The following CHST11 variants were observed in gnomAD, a reference collection of about 807,000 sequenced individuals.
CHST11 encodes the protein C4S-1.
In CHST11, 9 loss-of-function variants were observed where a neutral mutation model predicts 30.4. That is an observed-to-expected ratio of 0.30 (90% confidence interval 0.18 to 0.52). CHST11 has a LOEUF of 0.52. CHST11 is among the 20% of genes least tolerant of loss of function. The pLI, the probability that CHST11 is intolerant of heterozygous loss-of-function variation, is 0.97. For synonymous variants in CHST11, 152 were observed against 187.8 expected (o/e 0.81, Z 1.56); for missense variants, 348 against 460.6 (o/e 0.76, Z 2.24).
chr12:104,547,565 G>C (rs7303821), intron 1 of CHST11, among the ~76,000 whole-genome samples: 6,984 of 152,204 alleles, frequency 0.046, 566 homozygotes, highest in African/African-American at 0.16. Context: ...GTGAGTACCT[G>C]CAAAAATGAG....
At chr12:104,463,957 A>G (rs964978402) in intron 1 of CHST11, among the ~76,000 whole-genome samples, 1 of 152,020 alleles carries the variant, frequency 6.6e-6, no homozygotes, top group African/African-American at 2.4e-5. Context: ...TTAACTGTAG[A>G]TGGGAGGGAA....
intron 1 of CHST11, among the ~76,000 whole-genome samples, chr12:104,508,363 T>C (rs1362256743): frequency 6.6e-6 from 1 of 152,206 alleles, no homozygotes; most frequent in Non-Finnish European, 1.5e-5. Context: ...GTAACCTTCT[T>C]CCTTCTCTGC....
chr12:104,648,583 G>A (rs1317143712), intron 2 of CHST11, among the ~76,000 whole-genome samples: 1 of 152,142 alleles, frequency 6.6e-6, no homozygotes, highest in Non-Finnish European at 1.5e-5. Context: ...GTTGAGGCAG[G>A]TGGATCACTT....
Position 104,606,881 on chromosome 12 carries a change from A to G in CHST11, c.204+4890A>G, listed in dbSNP as rs1460196140. On this transcript the variant is annotated intron_variant, in intron 2 of 2. Coordinates refer to ENST00000303694, the MANE Select transcript of CHST11 (RefSeq NM_018413.6). Reference sequence around the variant, plus strand: ...TCAGGAGTTCTAAACCAGCCTGGGCAACATAGTGAAATGTCGTCTCTACCA... The same window carrying G: ...TCAGGAGTTCTAAACCAGCCTGGGCGACATAGTGAAATGTCGTCTCTACCA... Among the ~76,000 whole-genome samples, 3 of 152,044 alleles carry G rather than the reference A, an allele frequency of 2.0e-5. No individual in the cohort carries two copies. In the East Asian group the frequency reaches 5.8e-4, roughly 29 times the overall value.
At position 104,506,300 on chromosome 12, in the gene CHST11, A is replaced by G. The variant is rs188862656; in HGVS notation, c.118+48771A>G. On this transcript the variant is annotated intron_variant, in intron 1 of 2. Coordinates refer to ENST00000303694, the MANE Select transcript of CHST11 (RefSeq NM_018413.6). ...GGGATTGAGCTTTGTTCAAAGTCCA[A>G]CATTGCCACGTATTAGCCGTGTGAC... Among the ~76,000 whole-genome samples, 134 of 152,346 alleles carry G rather than the reference A, an allele frequency of 8.8e-4. 1 individual carries two copies. Among genetic ancestry groups the G allele is most frequent in the African/African-American group, 2.0e-3 (83 of 41,588 alleles).
rs1428399315 is a variant in CHST11 at position 104,696,502 on chromosome 12, A to AC, written c.205-60447_205-60446insC. Among the ~76,000 whole-genome samples, 361 of 149,966 alleles carry AC rather than the reference A, an allele frequency of 2.4e-3. 2 individuals carry two copies. The highest frequency in any genetic ancestry group is 8.5e-3 in the African/African-American group (346 of 40,816). ...AAATACAAAAAAAAAAAAAAAAAAA[A>AC]AAAAACATAGCTGGGCGTGGTGGTG... On this transcript the variant is annotated intron_variant, in intron 2 of 2. Transcript: ENST00000303694.
At chr12:104,510,986 T>TA (rs35967270) in intron 1 of CHST11, among the ~76,000 whole-genome samples, 1 of 152,146 alleles carries the variant, frequency 6.6e-6, no homozygotes, top group East Asian at 1.9e-4. Context: ...ATATTTTACT[T>TA]AAAAAAATAA....
At chr12:104,668,278 C>T (rs757413299) in intron 2 of CHST11, among the ~76,000 whole-genome samples, 8 of 152,152 alleles carry the variant, frequency 5.3e-5, no homozygotes, top group African/African-American at 1.2e-4. Flanking sequence ...CCCCAGGAAG[C>T]GGTGAGCACA....
chr12:104,665,844 G>A (rs1210966467), intron 2 of CHST11, among the ~76,000 whole-genome samples: 6 of 102,570 alleles, frequency 5.8e-5, no homozygotes, highest in East Asian at 5.6e-4. Context: ...TTTTTGAGAC[G>A]GAATCTTGCT....
chr12:104,602,313 T>G (rs2038963925), intron 2 of CHST11: 2 of 378,662 alleles, frequency 5.3e-6, no homozygotes, highest in Admixed American at 8.8e-5. Flanking sequence ...CTGTGCAGTC[T>G]TCCCTTTGGT....
At chr12:104,518,177 C>T (rs1465502330) in intron 1 of CHST11, among the ~76,000 whole-genome samples, 1 of 152,088 alleles carries the variant, frequency 6.6e-6, no homozygotes, top group Non-Finnish European at 1.5e-5. Flanking sequence ...GTCCCCGCTA[C>T]GTGGGAGGCT....
chr12:104,554,462 C>T (rs1218698548), intron 1 of CHST11, among the ~76,000 whole-genome samples: 1 of 152,202 alleles, frequency 6.6e-6, no homozygotes, highest in Non-Finnish European at 1.5e-5. Context: ...TGCATGGGCT[C>T]TGGTGCTGGT....
intron 2 of CHST11, among the ~76,000 whole-genome samples, chr12:104,704,743 C>CCTCAGAACCCCGGCCTTTGGAGGG (rs1566045851): frequency 3.3e-5 from 5 of 151,822 alleles, no homozygotes; most frequent in Non-Finnish European, 7.4e-5. Context: ...CCTTTGGAGG[C>CCTCAGAACCCCGGCCTTTGGAGGG]CTCAGAACCC....
intron 2 of CHST11, among the ~76,000 whole-genome samples, chr12:104,623,838 A>G (rs2039185745): frequency 6.6e-6 from 1 of 152,206 alleles, no homozygotes; most frequent in Non-Finnish European, 1.5e-5. Flanking sequence ...ATCACTTTCA[A>G]CTTGTTTTGG....
At chr12:104,564,613 C>G (rs2038543542) in intron 1 of CHST11, among the ~76,000 whole-genome samples, 1 of 152,208 alleles carries the variant, frequency 6.6e-6, no homozygotes, top group Non-Finnish European at 1.5e-5. Flanking sequence ...AGTTCCCTCC[C>G]AATATTAAGC....
chr12:104,521,569 G>C (rs1315945163), intron 1 of CHST11, among the ~76,000 whole-genome samples: 1 of 152,176 alleles, frequency 6.6e-6, no homozygotes, highest in African/African-American at 2.4e-5. Context: ...CTCTCCTGAC[G>C]CTTAGCTCAG....
chr12:104,471,689 A>C (rs2037510634), intron 1 of CHST11, among the ~76,000 whole-genome samples: 1 of 152,232 alleles, frequency 6.6e-6, no homozygotes, highest in South Asian at 2.1e-4. Flanking sequence ...CATTGAAAAA[A>C]GTGAAAAGAA....
chr12:104,612,759 G>A (rs754308913), intron 2 of CHST11, among the ~76,000 whole-genome samples: 2 of 152,210 alleles, frequency 1.3e-5, no homozygotes, highest in Non-Finnish European at 2.9e-5. Context: ...AATTGGTACA[G>A]CCATTATGGA....
chr12:104,600,279 C>G lies in CHST11; in HGVS notation c.119-1627C>G, dbSNP rs1333945398. On this transcript the variant is annotated intron_variant, in intron 1 of 2. Coordinates refer to ENST00000303694, the MANE Select transcript of CHST11 (RefSeq NM_018413.6). This position sits in a 1 kb window ranked among gnomAD's most constrained non-coding sequence, Gnocchi z 4.1. The stretch of plus-strand genomic sequence containing the variant: ...ATGACTCTCCTCCCTTTCCTGACCT[C>G]AGATTGACTTCTAAGCAGAGGTCCC... 6.6e-6 allele frequency among the ~76,000 whole-genome samples: 1 copy of G among 152,156 alleles called. No individual in the cohort carries two copies. Among genetic ancestry groups the G allele is most frequent in the African/African-American group, 2.4e-5 (1 of 41,434 alleles).
Sources: allele counts gnomAD v4.1 joint callset (sites outside exome capture counted in the v4.1 genomes callset), GRCh38; gene constraint gnomAD v4.1.1; non-coding constraint Gnocchi (gnomAD v3.1); transcripts MANE v1.5; gene names NCBI Gene and HGNC (gene_info 2026-07-23, HGNC 2026-07-21).